The following LRRC7 variants were observed in gnomAD, a reference collection of about 807,000 sequenced individuals.
LRRC7 encodes leucine-rich repeat-containing protein 7.
Under a neutral mutation model 175.7 loss-of-function variants are expected in LRRC7, and 23 were observed. The observed-to-expected ratio is 0.13, with a 90% CI of 0.09 to 0.19. LRRC7 has a LOEUF of 0.19. LRRC7 is among the 10% of genes least tolerant of loss of function. The pLI is 1.00. For synonymous variants in LRRC7, 685 were observed against 680.9 expected (o/e 1.01, Z -0.09); for missense variants, 1,354 against 1,904.7 (o/e 0.71, Z 5.38).
In LRRC7 at chr1:70,128,928, G is replaced by C. The variant is rs1299616657; in HGVS notation, c.*7041G>C. The C allele has an allele frequency of 1.3e-5, 2 of 152,072 alleles. No individual in the cohort carries two copies. Among genetic ancestry groups the C allele is most frequent in the Admixed American group, 6.6e-5 (1 of 15,256 alleles). 9.4% of individuals were successfully genotyped at this position (152,072 alleles called of 1,614,324 possible). On this transcript the variant is annotated 3_prime_UTR_variant, in exon 27 of 27. Coordinates refer to ENST00000651989, the MANE Select transcript of LRRC7 (RefSeq NM_001370785.2). ...ACAGATAGGTCTTCTGCTGGTTCTT[G>C]TGACCTTCACACAGCTCACATAAAG... is the stretch of plus-strand genomic sequence containing the variant.
At chr1:69,807,176 A>G (rs1378163959) in intron 4 of LRRC7, among the ~76,000 whole-genome samples, 1 of 151,522 alleles carries the variant, frequency 6.6e-6, no homozygotes, top group Non-Finnish European at 1.5e-5. Flanking sequence ...CTTTATTTTG[A>G]GCTTATGTGT....
intron 7 of LRRC7, among the ~76,000 whole-genome samples, chr1:69,899,369 G>A (rs143109252): frequency 1.0e-3 from 157 of 152,244 alleles, no homozygotes; most frequent in Middle Eastern, 3.4e-3. Context: ...TTTCTGGAGA[G>A]GAAACTTTGC....
Position 69,642,309 on chromosome 1 carries a change from CT to C in LRRC7, c.3-36070del, listed in dbSNP as rs563160312. On this transcript the variant is annotated intron_variant, in intron 1 of 26. Transcript: ENST00000651989. ...CTTATTCAAAATATAACAAATCTTG[CT>C]TGAAATTTTTCTAATGCAAATAAAC... Among the ~76,000 whole-genome samples the C allele has an allele frequency of 2.5e-3, 374 of 151,878 alleles. 1 individual carries two copies. The highest frequency in any genetic ancestry group is 8.5e-3 in the African/African-American group (353 of 41,502).
chr1:70,021,171 T>G (rs1373846565), intron 16 of LRRC7, 42 bp downstream of exon 16: 3 of 1,579,690 alleles, frequency 1.9e-6, no homozygotes, highest in Non-Finnish European at 1.7e-6. Flanking sequence ...TCTCCTTATC[T>G]TTTTGTTTGT....
chr1:70,140,117 C>T lies in LRRC7; in HGVS notation c.*18230C>T, dbSNP rs531061450. The T allele has an allele frequency of 6.6e-6, 1 of 151,956 alleles. No individual in the cohort carries two copies. 9.4% of individuals were successfully genotyped at this position (151,956 alleles called of 1,614,324 possible). A position where few individuals can be genotyped will look rare whatever the true frequency, so the allele number is the denominator to read the frequency against. On this transcript the variant is annotated 3_prime_UTR_variant, in exon 27 of 27. Coordinates refer to ENST00000651989, the MANE Select transcript of LRRC7 (RefSeq NM_001370785.2). ...TAAACTAGATGTGCAATAATCTTGT[C>T]GAGTAGTATGTGCTGGTTTTGGAAA...
intron 7 of LRRC7, among the ~76,000 whole-genome samples, chr1:69,840,412 A>G (rs1041327582): frequency 1.3e-5 from 2 of 152,068 alleles, no homozygotes; most frequent in Non-Finnish European, 2.9e-5. Flanking sequence ...AAACAATTTT[A>G]GTTTAACAAT....
At chr1:70,048,962 C>G (rs773611101) in intron 22 of LRRC7, among the ~76,000 whole-genome samples, 1 of 152,038 alleles carries the variant, frequency 6.6e-6, no homozygotes, top group Admixed American at 6.6e-5. Flanking sequence ...TGGCTGGCTG[C>G]TAATATAAAT....
At chr1:69,965,394 C>T (rs942799912) in intron 8 of LRRC7, among the ~76,000 whole-genome samples, 1 of 152,038 alleles carries the variant, frequency 6.6e-6, no homozygotes, top group African/African-American at 2.4e-5. Context: ...ATACAATCCT[C>T]CGAGTATTTA....
rs1658248539 is a variant in LRRC7 at position 69,666,243 on chromosome 1, T to C, written c.3-12138T>C. Among the ~76,000 whole-genome samples, 4 of 152,162 alleles carry C rather than the reference T, an allele frequency of 2.6e-5. No individual in the cohort carries two copies. In the South Asian group the frequency reaches 8.3e-4, roughly 31 times the overall value. ...TGGTTCGCTAGTATTTTGTTGCAAA[T>C]GTTTGCATGAATATTCATCAGTGAT... On this transcript the variant is annotated intron_variant, in intron 1 of 26. Coordinates refer to ENST00000651989, the MANE Select transcript of LRRC7 (RefSeq NM_001370785.2).
At chr1:69,637,062 G>A (rs191841562) in intron 1 of LRRC7, among the ~76,000 whole-genome samples, 26 of 124,172 alleles carry the variant, frequency 2.1e-4, no homozygotes, top group Middle Eastern at 9.6e-3. Context: ...CACTTCCTTC[G>A]CCTTCACCCT....
intron 9 of LRRC7, among the ~76,000 whole-genome samples, chr1:69,982,489 A>G (rs1394580237): frequency 6.6e-6 from 1 of 152,222 alleles, no homozygotes; most frequent in Admixed American, 6.5e-5. Context: ...ATCATTAGCC[A>G]TGGGGAAAAG....
chr1:69,776,741 G>T (rs981403087), intron 3 of LRRC7, among the ~76,000 whole-genome samples: 3 of 151,594 alleles, frequency 2.0e-5, no homozygotes, highest in Admixed American at 6.6e-5. Flanking sequence ...GGGTGTGTCT[G>T]TGTGTGATAT....
At chr1:69,704,137 T>G (rs1027718298) in intron 2 of LRRC7, among the ~76,000 whole-genome samples, 12 of 152,076 alleles carry the variant, frequency 7.9e-5, no homozygotes, top group African/African-American at 2.9e-4. Flanking sequence ...ATATAAGTTT[T>G]GTGATAAGTT....
chr1:69,809,749 A>T (rs889192250), intron 4 of LRRC7, among the ~76,000 whole-genome samples: 17 of 152,170 alleles, frequency 1.1e-4, no homozygotes, highest in African/African-American at 4.1e-4. Context: ...AACTCTCAAT[A>T]AACTAGCTAT....
intron 1 of LRRC7, among the ~76,000 whole-genome samples, chr1:69,592,572 A>T (rs1646682285): frequency 6.6e-6 from 1 of 152,060 alleles, no homozygotes; most frequent in South Asian, 2.1e-4. Flanking sequence ...GCAGGACTGG[A>T]TTTATGGCTG....
At chr1:69,657,666 A>G (rs1656852615) in intron 1 of LRRC7, among the ~76,000 whole-genome samples, 14 of 151,922 alleles carry the variant, frequency 9.2e-5, no homozygotes, top group Admixed American at 9.2e-4. Flanking sequence ...GAAGAGATAA[A>G]AGCAGAGAAA....
intron 23 of LRRC7, among the ~76,000 whole-genome samples, chr1:70,073,549 ATACTC>A (rs1434146974): frequency 5.9e-5 from 9 of 152,326 alleles, no homozygotes; most frequent in Non-Finnish European, 1.3e-4. Flanking sequence ...TAGTACTACA[ATACTC>A]TAATCAACAA....
chr1:69,718,142 G>GAAAGAAAGAAAGAAAGAAAGAAAGGA (rs1553146139), intron 2 of LRRC7, among the ~76,000 whole-genome samples: 1 of 73,716 alleles, frequency 1.4e-5, no homozygotes, highest in African/African-American at 8.1e-5. Context: ...AAGAAAGAGA[G>GAAAGAAAGAAAGAAAGAAAGAAAGGA]AGAAAGAAAG....
At chr1:69,875,679 A>T (rs528855671) in intron 7 of LRRC7, among the ~76,000 whole-genome samples, 8 of 152,148 alleles carry the variant, frequency 5.3e-5, no homozygotes, top group Admixed American at 3.3e-4. Context: ...TTTATCTGTG[A>T]CGTTTCATAT....
Sources: gnomAD v4.1 joint callset for allele counts (sites outside exome capture counted in the v4.1 genomes callset) on GRCh38, gnomAD v4.1.1 for gene constraint, MANE v1.5 for transcripts, NCBI Gene and HGNC (gene_info 2026-07-23, HGNC 2026-07-21) for gene names.